The following MYOT variants were observed in gnomAD, a reference collection of about 807,000 sequenced individuals.
The protein encoded by MYOT is myotilin, also known as 57 kDa cytoskeletal protein.
MYOT carries 36 observed loss-of-function variants against 58.0 expected under a neutral mutation model. The ratio of observed to expected loss-of-function variants is 0.62; its 90% CI spans 0.48 to 0.82. MYOT has a LOEUF of 0.82. Ranked by LOEUF, MYOT falls within the 40% of genes least tolerant of loss-of-function variation. The pLI, the probability that MYOT is intolerant of heterozygous loss-of-function variation, is 0.00. For missense variants in MYOT, 505 were observed against 592.1 expected (o/e 0.85, Z 1.53); for synonymous variants, 218 against 204.6 (o/e 1.07, Z -0.56).
chr5:137,883,232 TA>T, intron 6 of MYOT, 151 bp from the exon 7 acceptor site: 3 of 662,412 alleles, frequency 4.5e-6, no homozygotes, highest in Non-Finnish European at 5.4e-6. Flanking sequence ...ATGTTTTGTT[TA>T]AAAAATTATA....
chr5:137,883,439 A>G lies in MYOT; in HGVS notation c.872A>G (p.Gln291Arg), dbSNP rs1271804286. 1.2e-6 allele frequency: 2 copies of G among 1,614,136 alleles called. No individual in the cohort carries two copies. Among genetic ancestry groups the G allele is most frequent in the Admixed American group, 3.3e-5 (2 of 60,012 alleles). ...TGGTATCTAAATGGAAGAACAGTTC[A>G]ATCAGATGATTTGCACAAAATGATA... ...VSWYLNGRTVQSDDLHKMIVS... is the reference protein window; with the variant it reads ...VSWYLNGRTVRSDDLHKMIVS... The change falls in exon 7 of 10, where the codon CAA (glutamine) becomes CGA (arginine). Residue 291 changes from glutamine (Q) to arginine (R), a missense_variant. Physicochemically the swap from Gln to Arg is conservative, Grantham distance 43. Coordinates refer to ENST00000239926, the MANE Select transcript of MYOT (RefSeq NM_006790.3).
Position 137,871,747 on chromosome 5 carries a change from A to G in MYOT, c.356+740A>G, listed in dbSNP as rs562553163. Among the ~76,000 whole-genome samples, 6 of 152,330 alleles carry G rather than the reference A, an allele frequency of 3.9e-5. No homozygotes were observed. In the East Asian group the frequency reaches 9.6e-4, roughly 24 times the overall value. On this transcript the variant is annotated intron_variant, in intron 2 of 9. Transcript: ENST00000239926. The stretch of plus-strand genomic sequence containing the variant: ...ATTTCCACTACCCTAAGACTGTCCT[A>G]GGAGAACCTAGTATGAAAAAGGAGA...
rs529067126 is a variant in MYOT, at chr5:137,870,891, C to T, written c.240C>T (p.Asn80=). The change falls in exon 2 of 10, where the codon AAC becomes AAT. Residue 80 remains asparagine (N), a synonymous_variant. Transcript: ENST00000239926. ...CTCCCCAGCAGCATGCTGGCTCCAA[C>T]CCAGGCCAAAGGGTTACAACCACCT... is the stretch of plus-strand genomic sequence containing the variant. ...PASPQQHAGS[N]PGQRVTTTYN... 566 of 1,614,202 alleles carry T rather than the reference C, an allele frequency of 3.5e-4. 6 individuals carry two copies. In the South Asian group the frequency reaches 5.9e-3, roughly 17 times the overall value.
chr5:137,887,823 G>C lies in MYOT; in HGVS notation c.*438G>C, dbSNP rs1447081736. Reference sequence around the variant, plus strand: ...AGTGTTCCACAGTTGTATGTCAAAAGAAAATAAAATTCAAATATTTAAAAC... The same window carrying C: ...AGTGTTCCACAGTTGTATGTCAAAACAAAATAAAATTCAAATATTTAAAAC... On this transcript the variant is annotated 3_prime_UTR_variant, in exon 10 of 10. Coordinates refer to ENST00000239926, the MANE Select transcript of MYOT (RefSeq NM_006790.3). 6.5e-5 allele frequency: 10 copies of C among 154,084 alleles called. No homozygotes were observed. The Admixed American group carries it at 6.5e-4, about 10-fold the overall frequency. 9.5% of individuals were successfully genotyped at this position (154,084 alleles called of 1,614,324 possible). A position where few individuals can be genotyped will look rare whatever the true frequency, so the allele number is the denominator to read the frequency against.
Position 137,870,524 on chromosome 5 carries a change from A to C in MYOT, c.-128A>C. 1.2e-6 allele frequency: 1 copy of C among 830,880 alleles called. No homozygotes were observed. The allele number at this position is 830,880 out of a possible 1,614,324, so 51.5% of individuals were successfully genotyped here. A position where few individuals can be genotyped will look rare whatever the true frequency, so the allele number is the denominator to read the frequency against. On this transcript the variant is annotated 5_prime_UTR_variant, in exon 2 of 10. Coordinates refer to ENST00000239926, the MANE Select transcript of MYOT (RefSeq NM_006790.3). The stretch of plus-strand genomic sequence containing the variant: ...GATCTCAACAAGGAAGAGCAGACCA[A>C]GGTTGCTTCTGATTCCTTACAACCT...
At chr5:137,880,688 A>T in intron 4 of MYOT, 128 bp from the exon 5 acceptor site, 1 of 759,714 alleles carries the variant, frequency 1.3e-6, no homozygotes. Context: ...AGCTGAATAT[A>T]TAGAACTTAC....
Position 137,883,473 on chromosome 5 carries a change from G to C in MYOT, c.906G>C (p.Glu302Asp). ...SDDLHKMIVS[E>D]KGLHSLIFEV... ...ATTTGCACAAAATGATAGTGTCTGAGAAGGGTCTTCATTCACTCATCTTTG... is the reference window on the plus strand; with the variant it reads ...ATTTGCACAAAATGATAGTGTCTGACAAGGGTCTTCATTCACTCATCTTTG... Residue 302 changes from glutamate to aspartate, a missense_variant, in exon 7 of 10, where the codon GAG becomes GAC. By Grantham distance (45) the Glu-to-Asp change is conservative. Transcript: ENST00000239926. 6.2e-7 allele frequency: 1 copy of C among 1,614,046 alleles called. No individual in the cohort carries two copies. The highest frequency in any genetic ancestry group is 8.5e-7 in the Non-Finnish European group (1 of 1,179,952).
chr5:137,880,043 T>C (rs1287032331), intron 4 of MYOT, among the ~76,000 whole-genome samples: 3 of 152,178 alleles, frequency 2.0e-5, no homozygotes, highest in Non-Finnish European at 4.4e-5. Flanking sequence ...TGTACTCAGA[T>C]CTTGTGTGCT....
Position 137,880,574 on chromosome 5 carries a change from G to A in MYOT, c.634-242G>A, listed in dbSNP as rs74386277. 312 of 416,568 alleles carry A rather than the reference G, an allele frequency of 7.5e-4. 2 individuals carry two copies. The East Asian group carries it at 8.8e-3, about 12-fold the overall frequency. 25.8% of individuals were successfully genotyped at this position (416,568 alleles called of 1,614,324 possible). ...AAAAATGAACCACCATCAATTCCAA[G>A]TCTAGCTAATTTTCATAAATAATAC... On this transcript the variant is annotated intron_variant, in intron 4 of 9. Transcript: ENST00000239926.
At position 137,875,934 on chromosome 5, in the gene MYOT, A is replaced by G; in HGVS notation, c.462A>G (p.Lys154=). The change falls in exon 3 of 10, where the codon AAA becomes AAG. Residue 154 remains lysine, a synonymous_variant. Coordinates refer to ENST00000239926, the MANE Select transcript of MYOT (RefSeq NM_006790.3). The stretch of plus-strand genomic sequence containing the variant: ...CTGATCATGAAATACAAGGATCAAA[A>G]GAAGCTTTGATTCAAGATTTGGAAA... ...RTPDHEIQGS[K]EALIQDLERK... is the part of the protein sequence containing the mutation. The G allele has an allele frequency of 3.1e-6, 5 of 1,614,100 alleles. No homozygotes were observed. Among genetic ancestry groups the G allele is most frequent in the Non-Finnish European group, 4.2e-6 (5 of 1,179,958 alleles).
At chr5:137,878,625 G>A (rs373501797) in intron 4 of MYOT, among the ~76,000 whole-genome samples, 1 of 151,862 alleles carries the variant, frequency 6.6e-6, no homozygotes, top group African/African-American at 2.4e-5. Flanking sequence ...GAGATCGAGG[G>A]GATGCTGGCC....
intron 2 of MYOT, among the ~76,000 whole-genome samples, chr5:137,874,272 G>C (rs1321683054): frequency 6.6e-6 from 1 of 152,120 alleles, no homozygotes; most frequent in Non-Finnish European, 1.5e-5. Flanking sequence ...TTTGAGACCA[G>C]CCTGGCCAAC....
chr5:137,882,814 T>C (rs1250573535), intron 6 of MYOT: 1 of 156,570 alleles, frequency 6.4e-6, no homozygotes, highest in Non-Finnish European at 1.4e-5. Flanking sequence ...GGTTATATTT[T>C]TATTATCCTT....
intron 5 of MYOT, 64 bp from the exon 6 acceptor site, chr5:137,881,909 A>C: frequency 6.3e-7 from 1 of 1,584,090 alleles, no homozygotes. Context: ...GCTAAACTAT[A>C]TTTGTGCAAA....
intron 2 of MYOT, among the ~76,000 whole-genome samples, chr5:137,872,013 C>G (rs1755067735): frequency 6.6e-6 from 1 of 151,958 alleles, no homozygotes; most frequent in African/African-American, 2.4e-5. Context: ...TTATTGGTGA[C>G]AACTTTGGAA....
intron 5 of MYOT, among the ~76,000 whole-genome samples, 190 bp from the exon 6 acceptor site, chr5:137,881,783 G>A (rs537950029): frequency 2.6e-5 from 4 of 151,908 alleles, no homozygotes; most frequent in Non-Finnish European, 5.9e-5. Context: ...TGCAACCTCC[G>A]CCTCCCGGGT....
rs200244512 is a variant in MYOT at position 137,875,487 on chromosome 5, TA to T, written c.357-333del. Among the ~76,000 whole-genome samples, 166 of 151,640 alleles carry T rather than the reference TA, an allele frequency of 1.1e-3. 3 individuals carry two copies. In the East Asian group the frequency reaches 0.022, roughly 21 times the overall value. On this transcript the variant is annotated intron_variant, in intron 2 of 9. Transcript: ENST00000239926. ...AACATGCACATGTACTCCCAGAATC[TA>T]AAAAAAAATTTTATTAAAGAAATTA...
At chr5:137,874,937 T>A (rs922938796) in intron 2 of MYOT, among the ~76,000 whole-genome samples, 1 of 152,226 alleles carries the variant, frequency 6.6e-6, no homozygotes, top group Non-Finnish European at 1.5e-5. Context: ...AAGCCAGTGG[T>A]GTGCTGGTAA....
In MYOT at chr5:137,870,844, T is replaced by C; in HGVS notation, c.193T>C (p.Ser65Pro). The change falls in exon 2 of 10, where the codon TCC becomes CCC. Residue 65 changes from serine to proline, a missense_variant. Physicochemically the swap from Ser to Pro is moderately conservative, Grantham distance 74 (BLOSUM62 -1). Coordinates refer to ENST00000239926, the MANE Select transcript of MYOT (RefSeq NM_006790.3). ...SSTLSSHITM[S>P]SSAFPASPQQ... ...AACACTGAGCTCTCACATCACCATGTCCTCCTCTGCTTTCCCTGCTTCTCC... is the reference window on the plus strand; with the variant it reads ...AACACTGAGCTCTCACATCACCATGCCCTCCTCTGCTTTCCCTGCTTCTCC... 1 of 1,614,118 alleles carries C rather than the reference T, an allele frequency of 6.2e-7. No homozygotes were observed. The highest frequency in any genetic ancestry group is 8.5e-7 in the Non-Finnish European group (1 of 1,180,012).
Sources: allele counts gnomAD v4.1 joint callset (sites outside exome capture counted in the v4.1 genomes callset), GRCh38; gene constraint gnomAD v4.1.1; transcripts MANE v1.5; gene names NCBI Gene and HGNC (gene_info 2026-07-23, HGNC 2026-07-21).